CEP128: variants seen among roughly 807,000 people sequenced by gnomAD.
CEP128 encodes centrosomal protein 128.
In CEP128, 132 loss-of-function variants were observed where a neutral mutation model predicts 156.7. That is an observed-to-expected ratio of 0.84 (90% CI 0.73 to 0.97). The LOEUF (loss-of-function observed/expected upper bound fraction) is 0.97, where lower values mean the gene tolerates loss of function less well. Among genes scored for constraint, CEP128 ranks in the 50% least tolerant of loss-of-function variants. The probability of loss-of-function intolerance (pLI) is 0.00; values close to 1 mark genes in which losing one functional copy is unlikely to be tolerated. For missense variants in CEP128, 1,252 were observed against 1,281.9 expected (o/e 0.98, Z 0.36); for synonymous variants, 469 against 448.9 (o/e 1.04, Z -0.57).
At chr14:80,825,779 G>A (rs1197086905) in intron 13 of CEP128, among the ~76,000 whole-genome samples, 1 of 152,010 alleles carries the variant, frequency 6.6e-6, no homozygotes, top group Non-Finnish European at 1.5e-5. Context: ...CTTCTAATAG[G>A]TATAAAGGCT....
At chr14:80,716,047 C>T (rs1366771655) in intron 19 of CEP128, among the ~76,000 whole-genome samples, 4 of 152,148 alleles carry the variant, frequency 2.6e-5, no homozygotes, top group Non-Finnish European at 4.4e-5. Context: ...CCAGCAGCTA[C>T]CAGGCCACTG....
intron 18 of CEP128, among the ~76,000 whole-genome samples, chr14:80,755,531 C>A (rs1899611332): frequency 1.3e-5 from 2 of 152,162 alleles, no homozygotes; most frequent in Admixed American, 1.3e-4. Context: ...CCCACCCAAT[C>A]CTTGTTTTCT....
chr14:80,868,917 T>C (rs969279596), intron 8 of CEP128, among the ~76,000 whole-genome samples: 1 of 152,080 alleles, frequency 6.6e-6, no homozygotes, highest in Non-Finnish European at 1.5e-5. Context: ...CATTAAATAA[T>C]TATAAAGGAG....
intron 21 of CEP128, among the ~76,000 whole-genome samples, chr14:80,540,997 TA>T (rs1227680801): frequency 6.6e-6 from 1 of 152,184 alleles, no homozygotes; most frequent in African/African-American, 2.4e-5. Flanking sequence ...TCTCTAATCA[TA>T]TTTTTATTTG....
chr14:80,852,389 C>A (rs1347168832), intron 9 of CEP128, among the ~76,000 whole-genome samples: 7 of 151,240 alleles, frequency 4.6e-5, no homozygotes, highest in Non-Finnish European at 7.4e-5. Flanking sequence ...TATAACAAAG[C>A]ATATGGTAAT....
intron 7 of CEP128, among the ~76,000 whole-genome samples, chr14:80,898,829 A>G (rs891065832): frequency 2.6e-5 from 4 of 152,344 alleles, no homozygotes; most frequent in African/African-American, 9.6e-5. Flanking sequence ...CCAGGAATTC[A>G]AATGCTTTAT....
At chr14:80,952,490 A>T (rs1886488118) in intron 2 of CEP128, among the ~76,000 whole-genome samples, 1 of 152,138 alleles carries the variant, frequency 6.6e-6, no homozygotes, top group African/African-American at 2.4e-5. Flanking sequence ...AACCTGTGGG[A>T]TGTCTCTAAA....
chr14:80,784,241 A>T (rs896284404), intron 15 of CEP128, among the ~76,000 whole-genome samples: 1 of 151,834 alleles, frequency 6.6e-6, no homozygotes, highest in Non-Finnish European at 1.5e-5. Context: ...GGATATTAAA[A>T]AATAAATAAT....
Position 80,747,064 on chromosome 14 carries a change from CAA to C in CEP128, c.2614-3799_2614-3798del, listed in dbSNP as rs557456340. The stretch of plus-strand genomic sequence containing the variant: ...TCACACCCAGCAGGGTAGCTAAAAT[CAA>C]AAAGACAGATAATAACAATTGTTTG... On this transcript the variant is annotated intron_variant, in intron 18 of 24. Transcript: ENST00000555265. 1.0e-3 allele frequency among the ~76,000 whole-genome samples: 158 copies of C among 152,246 alleles called. 1 individual carries two copies. The highest frequency in any genetic ancestry group is 3.7e-3 in the African/African-American group (154 of 41,540).
chr14:80,765,985 A>G (rs116907906), intron 16 of CEP128, among the ~76,000 whole-genome samples: 2 of 152,222 alleles, frequency 1.3e-5, no homozygotes, highest in Non-Finnish European at 2.9e-5. Context: ...TAAAGTAGAA[A>G]GGAGAAATCA....
At position 80,789,342 on chromosome 14, in the gene CEP128, G is replaced by A. The variant is rs147425793; in HGVS notation, c.1560+3418C>T. On this transcript the variant is annotated intron_variant, in intron 14 of 24. Transcript: ENST00000555265. The stretch of plus-strand genomic sequence containing the variant: ...TATGAAAGATCAGAGACTGAGCTTC[G>A]GAACTGAAGGCTTGGACATGAAACA... Among the ~76,000 whole-genome samples, 64 of 152,166 alleles carry A rather than the reference G, an allele frequency of 4.2e-4. 2 individuals are homozygous for A. In the East Asian group the frequency reaches 0.012, roughly 28 times the overall value.
At chr14:80,889,831 G>A (rs1393907776) in intron 8 of CEP128, among the ~76,000 whole-genome samples, 2 of 152,138 alleles carry the variant, frequency 1.3e-5, no homozygotes, top group Non-Finnish European at 2.9e-5. Context: ...TCATCAGAGT[G>A]AACAGGCAAC....
intron 9 of CEP128, among the ~76,000 whole-genome samples, chr14:80,856,664 CGTGTGTGTGT>C (rs908211651): frequency 4.9e-5 from 7 of 142,256 alleles, no homozygotes; most frequent in African/African-American, 7.9e-5. Flanking sequence ...AGTGTGCCTG[CGTGTGTGTGT>C]GTGCGTGTGT....
At chr14:80,705,788 A>T (rs2139384618) in intron 19 of CEP128, among the ~76,000 whole-genome samples, 1 of 152,282 alleles carries the variant, frequency 6.6e-6, no homozygotes, top group East Asian at 1.9e-4. Context: ...AGGCAATGCT[A>T]GTCTTCTAGT....
intron 17 of CEP128, among the ~76,000 whole-genome samples, chr14:80,758,209 T>C (rs753005761): frequency 6.6e-6 from 1 of 152,154 alleles, no homozygotes; most frequent in East Asian, 1.9e-4. Context: ...GATTTACCTA[T>C]AGCTACATGT....
chr14:80,836,918 A>G (rs1886105938), intron 11 of CEP128, among the ~76,000 whole-genome samples: 1 of 152,242 alleles, frequency 6.6e-6, no homozygotes, highest in South Asian at 2.1e-4. Context: ...GATTCAGCTA[A>G]AATCACAATG....
chr14:80,557,564 G>T (rs553964608), intron 21 of CEP128, among the ~76,000 whole-genome samples: 1 of 151,952 alleles, frequency 6.6e-6, no homozygotes, highest in Non-Finnish European at 1.5e-5. Flanking sequence ...ACTTTCTAAG[G>T]GTAAGTAAAA....
intron 14 of CEP128, among the ~76,000 whole-genome samples, chr14:80,789,869 T>C (rs1901613150): frequency 6.6e-6 from 1 of 152,000 alleles, no homozygotes. Context: ...AATGTTTTTT[T>C]TGTTGTTGTT....
At chr14:80,777,838 A>G (rs772057216) in intron 16 of CEP128, 44 bp downstream of exon 16, 1 of 1,375,246 alleles carries the variant, frequency 7.3e-7, no homozygotes, top group Non-Finnish European at 1.0e-6. Context: ...AGGAAATTAA[A>G]ATTGAAATTA....
Sources: allele counts gnomAD v4.1 joint callset (sites outside exome capture counted in the v4.1 genomes callset), GRCh38; gene constraint gnomAD v4.1.1; transcripts MANE v1.5; gene names NCBI Gene and HGNC (gene_info 2026-07-23, HGNC 2026-07-21).